CSMD1: variants seen among roughly 807,000 people sequenced by gnomAD.
CSMD1 encodes the protein CUB and sushi domain-containing protein 1.
In CSMD1, 213 loss-of-function variants were observed where a neutral mutation model predicts 417.5. The ratio of observed to expected loss-of-function variants is 0.51; its 90% CI spans 0.46 to 0.57. CSMD1 has a LOEUF of 0.57. Among genes scored for constraint, CSMD1 ranks in the 20% least tolerant of loss-of-function variants. The pLI, the probability that CSMD1 is intolerant of heterozygous loss-of-function variation, is 0.00. For missense variants in CSMD1, 6,923 were observed against 4,529.7 expected (o/e 1.53, Z -15.17); for synonymous variants, 2,862 against 1,736.8 (o/e 1.65, Z -16.11).
At chr8:4,496,338 G>C (rs1020840887) in intron 2 of CSMD1, among the ~76,000 whole-genome samples, 1 of 152,170 alleles carries the variant, frequency 6.6e-6, no homozygotes, top group Non-Finnish European at 1.5e-5. Context: ...GTTCTGCTCA[G>C]ACTGCCTCCA....
At chr8:2,994,738 T>G (rs1248988174) in intron 54 of CSMD1, among the ~76,000 whole-genome samples, 1 of 152,190 alleles carries the variant, frequency 6.6e-6, no homozygotes, top group Non-Finnish European at 1.5e-5. Flanking sequence ...TTTATAGACA[T>G]CTTTATCATT....
intron 7 of CSMD1, among the ~76,000 whole-genome samples, chr8:3,691,541 A>C (rs567151224): frequency 1.9e-4 from 29 of 152,320 alleles, no homozygotes; most frequent in Non-Finnish European, 3.5e-4. Flanking sequence ...CTCAGGACCT[A>C]CCTGAATGAA....
intron 1 of CSMD1, among the ~76,000 whole-genome samples, chr8:4,949,788 T>C (rs905865497): frequency 1.1e-4 from 16 of 152,198 alleles, no homozygotes; most frequent in African/African-American, 3.9e-4. Context: ...TGGCATTTCC[T>C]AAACATGTAC....
At chr8:3,824,961 T>C (rs1801969610) in intron 5 of CSMD1, among the ~76,000 whole-genome samples, 1 of 152,212 alleles carries the variant, frequency 6.6e-6, no homozygotes, top group African/African-American at 2.4e-5. Context: ...ATTTTTTAAC[T>C]GTTGTTTAAT....
chr8:3,447,308 T>C lies in CSMD1; in HGVS notation c.1561+21404A>G, dbSNP rs73497428. On this transcript the variant is annotated intron_variant, in intron 12 of 69. Coordinates refer to ENST00000635120, the MANE Select transcript of CSMD1 (RefSeq NM_033225.6). ...ATTAAATATTTTAATGAAATAAAAA[T>C]CCTAATTCAGTTTAGCAGTGGAGAT... Among the ~76,000 whole-genome samples, 616 of 151,316 alleles carry C rather than the reference T, an allele frequency of 4.1e-3. 4 individuals carry two copies. Among genetic ancestry groups the C allele is most frequent in the African/African-American group, 0.014 (590 of 41,058 alleles).
At chr8:4,370,842 T>C (rs562178953) in intron 3 of CSMD1, among the ~76,000 whole-genome samples, 3 of 152,320 alleles carry the variant, frequency 2.0e-5, no homozygotes, top group African/African-American at 7.2e-5. Flanking sequence ...TTTTATTGTT[T>C]TCCTTGGATT....
intron 5 of CSMD1, among the ~76,000 whole-genome samples, chr8:3,927,079 T>C (rs959125970): frequency 6.6e-6 from 1 of 152,026 alleles, no homozygotes; most frequent in Admixed American, 6.6e-5. Flanking sequence ...TAGTATTTAT[T>C]GTAATTATCT....
chr8:4,042,102 G>GA (rs1043338499), intron 3 of CSMD1, among the ~76,000 whole-genome samples: 4 of 151,726 alleles, frequency 2.6e-5, no homozygotes, highest in African/African-American at 7.3e-5. Flanking sequence ...AAGAGGGACA[G>GA]AAAAAAAGAA....
intron 2 of CSMD1, among the ~76,000 whole-genome samples, chr8:4,529,613 A>G (rs914078017): frequency 2.6e-5 from 4 of 152,328 alleles, no homozygotes; most frequent in Middle Eastern, 3.4e-3. Context: ...AGATTTAACA[A>G]AGACAAAAGA....
At chr8:4,133,384 A>C (rs1803228727) in intron 3 of CSMD1, among the ~76,000 whole-genome samples, 2 of 152,252 alleles carry the variant, frequency 1.3e-5, no homozygotes, top group African/African-American at 4.8e-5. Context: ...ACACTTTATA[A>C]CATATATACC....
At chr8:4,373,142 C>A (rs560196221) in intron 3 of CSMD1, among the ~76,000 whole-genome samples, 43 of 152,244 alleles carry the variant, frequency 2.8e-4, no homozygotes, top group African/African-American at 1.0e-3. Flanking sequence ...CAGACACCTC[C>A]CTAGGGAGGA....
intron 10 of CSMD1, among the ~76,000 whole-genome samples, chr8:3,566,294 G>T (rs972093570): frequency 6.6e-6 from 1 of 152,270 alleles, no homozygotes; most frequent in African/African-American, 2.4e-5. Context: ...GGAGGACTTA[G>T]TATTTGGCAA....
intron 3 of CSMD1, among the ~76,000 whole-genome samples, chr8:4,064,177 C>G (rs531259402): frequency 2.0e-5 from 3 of 152,206 alleles, no homozygotes; most frequent in African/African-American, 4.8e-5. Flanking sequence ...AAAGTGCAAA[C>G]TAAAGACATT....
intron 3 of CSMD1, among the ~76,000 whole-genome samples, chr8:4,063,350 G>C (rs1159532011): frequency 7.9e-5 from 12 of 151,972 alleles, no homozygotes; most frequent in Non-Finnish European, 1.6e-4. Flanking sequence ...TATGTTTAAA[G>C]AAAATGTGTA....
intron 2 of CSMD1, among the ~76,000 whole-genome samples, chr8:4,457,862 C>G (rs1211098600): frequency 6.6e-6 from 1 of 152,076 alleles, no homozygotes; most frequent in African/African-American, 2.4e-5. Flanking sequence ...CTTGGCACCT[C>G]CCCTGGGACA....
chr8:4,021,521 T>C (rs1270827230), intron 4 of CSMD1, among the ~76,000 whole-genome samples: 1 of 152,182 alleles, frequency 6.6e-6, no homozygotes. Flanking sequence ...CAGTAGAGTG[T>C]GGATGCTCCA....
At chr8:4,392,030 C>T (rs1156647511) in intron 3 of CSMD1, among the ~76,000 whole-genome samples, 1 of 152,186 alleles carries the variant, frequency 6.6e-6, no homozygotes, top group Non-Finnish European at 1.5e-5. Flanking sequence ...GTAAGTGAGT[C>T]CCAGGGTTTT....
chr8:3,483,837 T>G (rs1178433814), intron 11 of CSMD1, among the ~76,000 whole-genome samples: 2 of 152,124 alleles, frequency 1.3e-5, no homozygotes, highest in African/African-American at 4.8e-5. Flanking sequence ...GAGTCAACTT[T>G]TAAAAAAATC....
intron 12 of CSMD1, among the ~76,000 whole-genome samples, chr8:3,420,422 G>T (rs954957833): frequency 2.2e-5 from 3 of 139,388 alleles, no homozygotes; most frequent in African/African-American, 7.9e-5. Context: ...GAGGACACTA[G>T]GAAAAAAAAA....
Sources: allele counts gnomAD v4.1 joint callset (sites outside exome capture counted in the v4.1 genomes callset), GRCh38; gene constraint gnomAD v4.1.1; transcripts MANE v1.5; gene names NCBI Gene and HGNC (gene_info 2026-07-23, HGNC 2026-07-21).